TPCN1: variants seen among roughly 807,000 people sequenced by gnomAD.
The protein encoded by TPCN1 is two pore channel protein 1.
In TPCN1, 52 loss-of-function variants were observed where a neutral mutation model predicts 108.8. That is an observed-to-expected ratio of 0.48 (90% CI 0.38 to 0.60). The LOEUF is 0.60. Among genes scored for constraint, TPCN1 ranks in the 20% least tolerant of loss-of-function variants. The pLI is 0.00. For missense variants in TPCN1, 806 were observed against 1,072.8 expected (o/e 0.75, Z 3.47); for synonymous variants, 446 against 433.7 (o/e 1.03, Z -0.35).
chr12:113,273,452 G>T lies in TPCN1; in HGVS notation c.843-117G>T. 8.0e-7 allele frequency: 1 copy of T among 1,243,258 alleles called. No homozygotes were observed. Among genetic ancestry groups the T allele is most frequent in the African/African-American group, 1.5e-5 (1 of 67,616 alleles). 77.0% of individuals were successfully genotyped at this position (1,243,258 alleles called of 1,614,324 possible). A position where few individuals can be genotyped will look rare whatever the true frequency, so the allele number is the denominator to read the frequency against. ...GCACGGAGCCCAGGGATGAGAGTAG[G>T]GGAACCAGGGTTGGAGGCTGGGAAG... On this transcript the variant is annotated intron_variant, in intron 9 of 27. Coordinates refer to ENST00000335509, the MANE Select transcript of TPCN1 (RefSeq NM_017901.6). The surrounding 1 kb of genome is among the most constrained non-coding windows in gnomAD (Gnocchi z 4.0).
intron 2 of TPCN1, among the ~76,000 whole-genome samples, chr12:113,246,786 C>T (rs1165727811): frequency 1.3e-5 from 2 of 152,140 alleles, no homozygotes; most frequent in Non-Finnish European, 2.9e-5. Context: ...AGAACAGTGC[C>T]AAGGTCAGAG....
intron 2 of TPCN1, among the ~76,000 whole-genome samples, chr12:113,233,372 C>T (rs568816393): frequency 1.2e-4 from 19 of 152,330 alleles, no homozygotes; most frequent in African/African-American, 4.1e-4. Context: ...GCTTCCCCAT[C>T]GGGGAGGCAA....
chr12:113,276,406 T>C (rs1043038945), intron 10 of TPCN1, among the ~76,000 whole-genome samples: 1 of 152,082 alleles, frequency 6.6e-6, no homozygotes, highest in Non-Finnish European at 1.5e-5. Context: ...CTCACTCCCC[T>C]TTTTCCTGGG....
At chr12:113,248,170 C>T (rs149108084) in intron 2 of TPCN1, among the ~76,000 whole-genome samples, 246 of 152,390 alleles carry the variant, frequency 1.6e-3, no homozygotes, top group Non-Finnish European at 2.9e-3. Flanking sequence ...CCCTCTTGCC[C>T]GAGGCCTGCC....
At chr12:113,244,182 C>A in intron 2 of TPCN1, 2 of 426,306 alleles carry the variant, frequency 4.7e-6, no homozygotes, top group Non-Finnish European at 6.3e-6. Context: ...GGGCATTATC[C>A]TGACCACTTT....
At chr12:113,274,336 T>C (rs1955602727) in intron 10 of TPCN1, among the ~76,000 whole-genome samples, 1 of 152,062 alleles carries the variant, frequency 6.6e-6, no homozygotes, top group Non-Finnish European at 1.5e-5. Flanking sequence ...TAATCCCATC[T>C]ACTCAGGAGG....
chr12:113,251,543 C>G (rs1954634815), intron 2 of TPCN1, among the ~76,000 whole-genome samples: 1 of 152,194 alleles, frequency 6.6e-6, no homozygotes, highest in Non-Finnish European at 1.5e-5. Flanking sequence ...GGTCTGTGGC[C>G]ACGGGGCGCA....
chr12:113,290,917 T>C (rs1453942452), intron 22 of TPCN1, 35 bp from the exon 23 acceptor site: 2 of 1,610,322 alleles, frequency 1.2e-6, no homozygotes, highest in Middle Eastern at 1.7e-4. Context: ...AAGTGGGGTC[T>C]CATCAGGATG....
chr12:113,293,314 G>A lies in TPCN1; in HGVS notation c.2299G>A (p.Asp767Asn). Residue 767 changes from aspartate (D) to asparagine (N), a missense_variant, in exon 27 of 28, where the codon GAC (aspartate) becomes AAC (asparagine). By Grantham distance (23) the Asp-to-Asn change is conservative. Coordinates refer to ENST00000335509, the MANE Select transcript of TPCN1 (RefSeq NM_017901.6). ...FLGRRSRTKS[D>N]LSLKMYQEEI... ...GGGACGGCGATCAAGGACCAAGAGC[G>A]ACCTGAGCCTGAAGATGTACCAGGA... 6.8e-6 allele frequency: 11 copies of A among 1,614,112 alleles called. No individual in the cohort carries two copies. The highest frequency in any genetic ancestry group is 5.9e-6 in the Non-Finnish European group (7 of 1,180,030).
intron 1 of TPCN1, among the ~76,000 whole-genome samples, chr12:113,224,489 C>T (rs1011684726): frequency 5.3e-5 from 8 of 151,364 alleles, no homozygotes; most frequent in Admixed American, 1.3e-4. Context: ...CTCCGCCTCC[C>T]GGGTTCACGC....
intron 2 of TPCN1, among the ~76,000 whole-genome samples, chr12:113,258,392 G>A (rs1429034475): frequency 4.6e-5 from 7 of 152,076 alleles, no homozygotes; most frequent in Non-Finnish European, 8.8e-5. Context: ...CTTGAACCTC[G>A]GAAGCAGAGG....
chr12:113,280,555 C>A (rs960489998), intron 15 of TPCN1, among the ~76,000 whole-genome samples: 1 of 152,134 alleles, frequency 6.6e-6, no homozygotes, highest in African/African-American at 2.4e-5. Context: ...TCCTCTGTTG[C>A]CTTTTCCTGG....
At chr12:113,236,260 C>T (rs1036503493) in intron 2 of TPCN1, among the ~76,000 whole-genome samples, 3 of 152,158 alleles carry the variant, frequency 2.0e-5, no homozygotes, top group Non-Finnish European at 4.4e-5. Context: ...TAAGAGGCTG[C>T]ATAACCAAGC....
chr12:113,258,321 C>G (rs924801200), intron 2 of TPCN1, among the ~76,000 whole-genome samples: 2 of 152,128 alleles, frequency 1.3e-5, no homozygotes, highest in Non-Finnish European at 2.9e-5. Context: ...CAAAAATTAG[C>G]TGGGCATGGT....
At chr12:113,290,914 G>T in intron 22 of TPCN1, 38 bp from the exon 23 acceptor site, 2 of 1,608,158 alleles carry the variant, frequency 1.2e-6, no homozygotes, top group East Asian at 4.5e-5. Flanking sequence ...TTGAAGTGGG[G>T]TCTCATCAGG....
At position 113,273,365 on chromosome 12, in the gene TPCN1, A is replaced by G; in HGVS notation, c.842+75A>G. The G allele has an allele frequency of 6.6e-7, 1 of 1,507,288 alleles. No homozygotes were observed. The highest frequency in any genetic ancestry group is 9.2e-7 in the Non-Finnish European group (1 of 1,083,252). The allele number at this position is 1,507,288 out of a possible 1,614,324, so 93.4% of individuals were successfully genotyped here. A position where few individuals can be genotyped will look rare whatever the true frequency, so the allele number is the denominator to read the frequency against. ...TCTCTTTCTCTTTTCTGCCAAGTAT[A>G]TTCCACATCCCAGCACAGGCAGGTG... On this transcript the variant is annotated intron_variant, in intron 9 of 27. Transcript: ENST00000335509. The surrounding 1 kb of genome is among the most constrained non-coding windows in gnomAD (Gnocchi z 4.0).
intron 2 of TPCN1, among the ~76,000 whole-genome samples, chr12:113,230,815 T>C (rs1295104297): frequency 6.6e-6 from 1 of 152,164 alleles, no homozygotes. Flanking sequence ...ACTCAACAAA[T>C]AGTGGTCAGA....
At chr12:113,254,465 C>T (rs1461668799) in intron 2 of TPCN1, among the ~76,000 whole-genome samples, 1 of 152,130 alleles carries the variant, frequency 6.6e-6, no homozygotes, top group African/African-American at 2.4e-5. Context: ...AAGGATAATA[C>T]ATCATGACTA....
rs2136575145 is a variant in TPCN1 at position 113,260,356 on chromosome 12, C to T, written c.113-12C>T. On this transcript the variant is annotated splice_polypyrimidine_tract_variant and intron_variant, in intron 2 of 27. Coordinates refer to ENST00000335509, the MANE Select transcript of TPCN1 (RefSeq NM_017901.6). ...TGGGTGCCAAGTGAATCTCTCTCCT[C>T]TTCCAATGCAGATGGCGGCAGCTAT... 2 of 1,492,012 alleles carry T rather than the reference C, an allele frequency of 1.3e-6. No individual in the cohort carries two copies. Among genetic ancestry groups the T allele is most frequent in the Non-Finnish European group, 1.8e-6 (2 of 1,123,788 alleles). 92.4% of individuals were successfully genotyped at this position (1,492,012 alleles called of 1,614,324 possible). A position where few individuals can be genotyped will look rare whatever the true frequency, so the allele number is the denominator to read the frequency against.
Sources: allele counts gnomAD v4.1 joint callset (sites outside exome capture counted in the v4.1 genomes callset), GRCh38; gene constraint gnomAD v4.1.1; non-coding constraint Gnocchi (gnomAD v3.1); transcripts MANE v1.5; gene names NCBI Gene and HGNC (gene_info 2026-07-23, HGNC 2026-07-21).